IL6R: variants seen among roughly 807,000 people sequenced by gnomAD.
IL6R encodes interleukin-6 receptor subunit alpha.
Under a neutral mutation model 48.3 loss-of-function variants are expected in IL6R, and 38 were observed. That is an observed-to-expected ratio of 0.79 (90% CI 0.61 to 1.03). IL6R has a LOEUF of 1.03. Among genes scored for constraint, IL6R ranks in the 50% least tolerant of loss-of-function variants. The pLI, the probability that IL6R is intolerant of heterozygous loss-of-function variation, is 0.00. For synonymous variants in IL6R, 264 were observed against 256.2 expected, an observed-to-expected ratio of 1.03 and a Z score of -0.29; for missense variants, 534 against 618.3, an observed-to-expected ratio of 0.86 and a Z score of 1.45.
intron 1 of IL6R, chr1:154,406,557 G>C (rs1042835582): frequency 6.6e-6 from 1 of 152,272 alleles, no homozygotes; most frequent in Non-Finnish European, 1.5e-5. Context: ...CTCTCCAGAG[G>C]TTTATTTTAG....
intron 9 of IL6R, among the ~76,000 whole-genome samples, chr1:154,460,650 C>T (rs1691200468): frequency 6.6e-6 from 1 of 152,144 alleles, no homozygotes; most frequent in African/African-American, 2.4e-5. Context: ...AAAGTTCCCA[C>T]ATCATGTGTA....
At position 154,454,513 on chromosome 1, in the gene IL6R, G is replaced by A; in HGVS notation, c.1092G>A (p.Leu364=). 1 of 1,612,830 alleles carries A rather than the reference G, an allele frequency of 6.2e-7. No homozygotes were observed. Among genetic ancestry groups the A allele is most frequent in the African/African-American group, 1.3e-5 (1 of 74,864 alleles). Residue 364 remains leucine (L), a synonymous_variant, in exon 9 of 10, where the codon CTG becomes CTA. Coordinates refer to ENST00000368485, the MANE Select transcript of IL6R (RefSeq NM_000565.4). ...TGCAAGATTCTTCTTCAGTACCACTGCCCACATTCCTGGTTGCTGGAGGGA... is the reference window on the plus strand; with the variant it reads ...TGCAAGATTCTTCTTCAGTACCACTACCCACATTCCTGGTTGCTGGAGGGA... The part of the protein sequence containing the change: ...LPVQDSSSVP[L]PTFLVAGGSL...
chr1:154,435,891 G>A (rs546535423), intron 5 of IL6R, 78 bp from the exon 6 acceptor site: 2 of 1,320,848 alleles, frequency 1.5e-6, no homozygotes, highest in East Asian at 2.6e-5. Flanking sequence ...GGCTGGCCAA[G>A]GCACCAACCC....
At chr1:154,424,467 C>T (rs1274361232) in intron 1 of IL6R, among the ~76,000 whole-genome samples, 2 of 152,152 alleles carry the variant, frequency 1.3e-5, no homozygotes, top group African/African-American at 2.4e-5. Context: ...TGCTAATCAG[C>T]GAATCAGCTG....
At chr1:154,438,514 A>C (rs568758669) in intron 6 of IL6R, among the ~76,000 whole-genome samples, 1 of 151,816 alleles carries the variant, frequency 6.6e-6, no homozygotes, top group East Asian at 1.9e-4. Flanking sequence ...GCAGTTAGGA[A>C]AAAAAAAAGA....
chr1:154,406,656 G>A (rs1687736517), intron 1 of IL6R: 1 of 152,218 alleles, frequency 6.6e-6, no homozygotes, highest in South Asian at 2.1e-4. Context: ...GAGGCTGAAG[G>A]CTAAGACTTT....
chr1:154,448,875 C>CTTCTTTTTTT lies in IL6R; in HGVS notation c.996+706_996+707insCTTTTTTTTT, dbSNP rs55844786. On this transcript the variant is annotated intron_variant, in intron 7 of 9. Coordinates refer to ENST00000368485, the MANE Select transcript of IL6R (RefSeq NM_000565.4). Reference sequence around the variant, plus strand: ...CATTGCAAGGGAGTGCTTGTAAGGGCTTTTTTTTTTTTTTTTTTTTTTTTT... The same window carrying CTTCTTTTTTT: ...CATTGCAAGGGAGTGCTTGTAAGGGCTTCTTTTTTTTTTTTTTTTTTTTTTTTTTTTTTTT... Among the ~76,000 whole-genome samples, 7 of 73,304 alleles carry CTTCTTTTTTT rather than the reference C, an allele frequency of 9.5e-5. 3 individuals are homozygous for CTTCTTTTTTT. The highest frequency in any genetic ancestry group is 3.2e-4 in the Admixed American group (2 of 6,212). The allele number at this position is 73,304 out of a possible 152,430, so 48.1% of individuals were successfully genotyped here. A position where few individuals can be genotyped will look rare whatever the true frequency, so the allele number is the denominator to read the frequency against.
intron 9 of IL6R, among the ~76,000 whole-genome samples, chr1:154,459,630 GT>G (rs1306693158): frequency 2.6e-5 from 4 of 151,806 alleles, no homozygotes; most frequent in African/African-American, 9.7e-5. Flanking sequence ...TTTTTTCTTT[GT>G]TTTTTATTAC....
chr1:154,437,071 C>T (rs571162249), intron 6 of IL6R, among the ~76,000 whole-genome samples: 17 of 152,126 alleles, frequency 1.1e-4, no homozygotes, highest in African/African-American at 4.1e-4. Context: ...TTTAAAACTC[C>T]ATGGAAATTT....
intron 1 of IL6R, among the ~76,000 whole-genome samples, chr1:154,410,439 G>A (rs1191930465): frequency 6.6e-6 from 1 of 152,124 alleles, no homozygotes; most frequent in African/African-American, 2.4e-5. Flanking sequence ...TTCTTGTAGA[G>A]ACAGGATTTC....
chr1:154,434,335 A>T (rs569811622), intron 3 of IL6R, among the ~76,000 whole-genome samples, 184 bp from the exon 4 acceptor site: 22 of 152,196 alleles, frequency 1.4e-4, no homozygotes, highest in South Asian at 4.1e-4. Context: ...ACAAAAACTT[A>T]ACCCCTACTA....
rs1041308917 is a variant in IL6R at position 154,448,113 on chromosome 1, T to C, written c.950-12T>C. On this transcript the variant is annotated splice_polypyrimidine_tract_variant and intron_variant, in intron 6 of 9. Transcript: ENST00000368485. ...ATGAATCACTAATAATGAGCCTTTC[T>C]TCTGTCCGCAGAATCCAGGAGTCCT... The C allele has an allele frequency of 6.2e-7, 1 of 1,612,652 alleles. No homozygotes were observed. The highest frequency in any genetic ancestry group is 8.5e-7 in the Non-Finnish European group (1 of 1,178,682).
In IL6R at chr1:154,405,533, G is replaced by GCCCCCCC; in HGVS notation, c.-94_-93insCCCCCCC. On this transcript the variant is annotated 5_prime_UTR_variant, in exon 1 of 10. Coordinates refer to ENST00000368485, the MANE Select transcript of IL6R (RefSeq NM_000565.4). The surrounding 1 kb of genome is among the most constrained non-coding windows in gnomAD (Gnocchi z 5.2). Reference sequence around the variant, plus strand: ...CCCCGGGGCCTGAGCCCGCCTGCCCGCCCACCGCCCCGCCCCGCCCCTGCC... The same window carrying GCCCCCCC: ...CCCCGGGGCCTGAGCCCGCCTGCCCGCCCCCCCCCCACCGCCCCGCCCCGCCCCTGCC... 1 of 42,450 alleles carries GCCCCCCC rather than the reference G, an allele frequency of 2.4e-5. No homozygotes were observed. The highest frequency in any genetic ancestry group is 4.2e-5 in the Non-Finnish European group (1 of 23,982). The allele number at this position is 42,450 out of a possible 1,614,324, so 2.6% of individuals were successfully genotyped here. A position where few individuals can be genotyped will look rare whatever the true frequency, so the allele number is the denominator to read the frequency against.
chr1:154,435,656 T>C (rs1291716092), intron 5 of IL6R, among the ~76,000 whole-genome samples: 1 of 152,210 alleles, frequency 6.6e-6, no homozygotes, highest in Non-Finnish European at 1.5e-5. Flanking sequence ...AAAAGGATAA[T>C]GCCAGGCCAG....
chr1:154,414,584 C>T, intron 1 of IL6R: 1 of 750,738 alleles, frequency 1.3e-6, no homozygotes, highest in East Asian at 2.9e-5. Context: ...TTCTCATAGG[C>T]TTTCTTGATG....
At chr1:154,407,683 A>G (rs1687805861) in intron 1 of IL6R, among the ~76,000 whole-genome samples, 1 of 152,174 alleles carries the variant, frequency 6.6e-6, no homozygotes, top group African/African-American at 2.4e-5. Context: ...CTGAGAGGGG[A>G]AATCCGCAGG....
chr1:154,413,512 G>A (rs1483461281), intron 1 of IL6R, among the ~76,000 whole-genome samples: 1 of 152,230 alleles, frequency 6.6e-6, no homozygotes, highest in African/African-American at 2.4e-5. Context: ...CAGCAGCATT[G>A]TGAGAATGCT....
chr1:154,435,940 C>G (rs1689599301), intron 5 of IL6R, 29 bp from the exon 6 acceptor site: 1 of 1,577,446 alleles, frequency 6.3e-7, no homozygotes, highest in Non-Finnish European at 8.6e-7. Flanking sequence ...CTGGATACCT[C>G]CCCAGAGTCA....
chr1:154,416,392 G>A (rs751271746), intron 1 of IL6R, among the ~76,000 whole-genome samples: 2 of 150,308 alleles, frequency 1.3e-5, no homozygotes, highest in African/African-American at 4.9e-5. Flanking sequence ...AGATCCTCCC[G>A]CCTCAGCCTC....
Sources: allele counts gnomAD v4.1 joint callset (sites outside exome capture counted in the v4.1 genomes callset), GRCh38; gene constraint gnomAD v4.1.1; non-coding constraint Gnocchi (gnomAD v3.1); transcripts MANE v1.5; gene names NCBI Gene and HGNC (gene_info 2026-07-23, HGNC 2026-07-21).